The following TUSC3 variants were observed in gnomAD, a reference collection of about 807,000 sequenced individuals.
TUSC3 encodes tumor suppressor candidate 3.
TUSC3 carries 45 observed loss-of-function variants against 44.8 expected under a neutral mutation model. That is an observed-to-expected ratio of 1.00 (90% CI 0.79 to 1.29). The LOEUF is 1.29. Among genes scored for constraint, TUSC3 ranks in the 50% most tolerant of loss-of-function variants. TUSC3 has a pLI of 0.00. For missense variants in TUSC3, 519 were observed against 437.9 expected, an observed-to-expected ratio of 1.19 and a Z score of -1.65; for synonymous variants, 212 against 152.9, an observed-to-expected ratio of 1.39 and a Z score of -2.85.
At chr8:15,627,447 G>A (rs1480423324) in intron 2 of TUSC3, among the ~76,000 whole-genome samples, 1 of 152,238 alleles carries the variant, frequency 6.6e-6, no homozygotes, top group Non-Finnish European at 1.5e-5. Context: ...CTTCCTGGAT[G>A]CTGGACAAGA....
At chr8:15,725,673 G>A (rs968700209) in intron 6 of TUSC3, among the ~76,000 whole-genome samples, 2 of 151,982 alleles carry the variant, frequency 1.3e-5, no homozygotes, top group African/African-American at 4.8e-5. Flanking sequence ...CAGGCATTAG[G>A]CCATTTTACA....
At chr8:15,538,019 C>T (rs907856360), upstream of TUSC3, among the ~76,000 whole-genome samples, 13 of 152,066 alleles carry the variant, frequency 8.5e-5, no homozygotes, top group African/African-American at 2.2e-4. Context: ...CTCTTATGTA[C>T]GCACATAGGA....
At chr8:15,564,870 G>A (rs545387807) in intron 1 of TUSC3, among the ~76,000 whole-genome samples, 2 of 152,080 alleles carry the variant, frequency 1.3e-5, no homozygotes, top group African/African-American at 4.8e-5. Flanking sequence ...TTCTGTGTTA[G>A]TGTGTCCCTG....
chr8:15,651,681 C>T (rs530082142), intron 3 of TUSC3, among the ~76,000 whole-genome samples: 1 of 152,312 alleles, frequency 6.6e-6, no homozygotes, highest in South Asian at 2.1e-4. Context: ...TCCTCTTGGA[C>T]TTTGAGTCTT....
At chr8:15,840,929 T>TA in the TUSC3 span, among the ~76,000 whole-genome samples, 1 of 152,184 alleles carries the variant, frequency 6.6e-6, no homozygotes, top group African/African-American at 2.4e-5. Flanking sequence ...AAGGTTGAAG[T>TA]AAAAAATTCT....
chr8:15,740,097 A>G (rs1055088537), intron 7 of TUSC3, among the ~76,000 whole-genome samples: 2 of 152,316 alleles, frequency 1.3e-5, no homozygotes, highest in African/African-American at 2.4e-5. Flanking sequence ...TTATAATAAA[A>G]AAAAATCAGA....
chr8:15,570,784 AT>A (rs1802842166), intron 1 of TUSC3, among the ~76,000 whole-genome samples: 1 of 151,790 alleles, frequency 6.6e-6, no homozygotes, highest in Non-Finnish European at 1.5e-5. Context: ...TGTTCTTCTG[AT>A]TTAAGTACTC....
At chr8:15,588,131 G>A (rs897731865) in intron 1 of TUSC3, among the ~76,000 whole-genome samples, 1 of 151,896 alleles carries the variant, frequency 6.6e-6, no homozygotes. Context: ...TTTTTTGAGG[G>A]ACCTCCATGC....
the TUSC3 span, among the ~76,000 whole-genome samples, chr8:15,845,973 T>A: frequency 2.6e-5 from 4 of 152,144 alleles, no homozygotes; most frequent in African/African-American, 9.7e-5. Flanking sequence ...AAGGCACTTC[T>A]TACATCATGG....
At chr8:15,512,525 C>A (rs1027399198) in intron 2 of TUSC3, among the ~76,000 whole-genome samples, 2 of 152,122 alleles carry the variant, frequency 1.3e-5, no homozygotes, top group South Asian at 2.1e-4. Flanking sequence ...GTAATCCCAG[C>A]ACTTTGGGAA....
chr8:15,659,285 T>C (rs903318818), intron 3 of TUSC3, among the ~76,000 whole-genome samples: 3 of 152,120 alleles, frequency 2.0e-5, no homozygotes, highest in Non-Finnish European at 2.9e-5. Context: ...ATTTGAATGA[T>C]GTATGTTAAA....
chr8:15,705,117 A>G (rs1809564386), intron 6 of TUSC3, among the ~76,000 whole-genome samples: 1 of 151,234 alleles, frequency 6.6e-6, no homozygotes, highest in Non-Finnish European at 1.5e-5. Flanking sequence ...CCCTGGGTGC[A>G]TGATTTTTTT....
chr8:15,685,657 T>C (rs1380748222), intron 6 of TUSC3, among the ~76,000 whole-genome samples: 2 of 152,126 alleles, frequency 1.3e-5, no homozygotes, highest in East Asian at 1.9e-4. Flanking sequence ...ACATCAACAG[T>C]GTACACTTGG....
At chr8:15,788,116 T>G in the TUSC3 span, among the ~76,000 whole-genome samples, 1 of 152,186 alleles carries the variant, frequency 6.6e-6, no homozygotes, top group South Asian at 2.1e-4. Context: ...ACTATGGCTG[T>G]GAGGACTTTT....
rs117766063 is a variant in TUSC3, at chr8:15,707,081, A to G, written c.799-23585A>G. 2.9e-3 allele frequency among the ~76,000 whole-genome samples: 448 copies of G among 152,082 alleles called. 3 individuals carry two copies. In the East Asian group the frequency reaches 0.031, roughly 10 times the overall value. Reference sequence around the variant, plus strand: ...TTGAGTTACTATGTCTCAAAGCTTTATCACCATGGGTTAGTAGTTTACTAA... The same window carrying G: ...TTGAGTTACTATGTCTCAAAGCTTTGTCACCATGGGTTAGTAGTTTACTAA... On this transcript the variant is annotated intron_variant, in intron 6 of 10. Transcript: ENST00000503731.
chr8:15,508,765 G>C (rs1801094616), intron 2 of TUSC3, among the ~76,000 whole-genome samples: 1 of 152,022 alleles, frequency 6.6e-6, no homozygotes, highest in Admixed American at 6.6e-5. Flanking sequence ...CTGTCCTGAA[G>C]CTTCCTTTTT....
intron 1 of TUSC3, among the ~76,000 whole-genome samples, chr8:15,610,505 C>A (rs1365729664): frequency 2.0e-5 from 3 of 151,636 alleles, no homozygotes; most frequent in African/African-American, 7.3e-5. Flanking sequence ...TATTTTAAAT[C>A]TTTGGAATAT....
At chr8:15,805,922 T>A in the TUSC3 span, among the ~76,000 whole-genome samples, 1 of 152,136 alleles carries the variant, frequency 6.6e-6, no homozygotes, top group Non-Finnish European at 1.5e-5. Context: ...TCAAGGTATG[T>A]TTGAATTATG....
chr8:15,455,640 C>G (rs561078138), intron 1 of TUSC3, among the ~76,000 whole-genome samples: 18 of 152,206 alleles, frequency 1.2e-4, no homozygotes, highest in Non-Finnish European at 2.5e-4. Context: ...AGGCTTCTAG[C>G]CAATGAGACC....
Sources: gnomAD v4.1 joint callset for allele counts (sites outside exome capture counted in the v4.1 genomes callset) on GRCh38, gnomAD v4.1.1 for gene constraint, MANE v1.5 for transcripts, NCBI Gene and HGNC (gene_info 2026-07-23, HGNC 2026-07-21) for gene names.